MEMO1: variants seen among roughly 807,000 people sequenced by gnomAD.
The protein encoded by MEMO1 is protein MEMO1.
Under a neutral mutation model 45.2 loss-of-function variants are expected in MEMO1, and 6 were observed. The ratio of observed to expected loss-of-function variants is 0.13; its 90% confidence interval spans 0.07 to 0.26. MEMO1 has a LOEUF of 0.26. Ranked by LOEUF, MEMO1 falls within the 10% of genes least tolerant of loss-of-function variation. The pLI is 1.00. For synonymous variants in MEMO1, 78 were observed against 124.3 expected (o/e 0.63, Z 2.48); for missense variants, 184 against 370.5 (o/e 0.50, Z 4.13).
intron 6 of MEMO1, among the ~76,000 whole-genome samples, chr2:31,900,155 T>C (rs1678562492): frequency 6.6e-6 from 1 of 152,198 alleles, no homozygotes; most frequent in South Asian, 2.1e-4. Context: ...AGAAATACCA[T>C]TTGACCCAGC....
chr2:31,995,748 A>C (rs1194676847), intron 2 of MEMO1, among the ~76,000 whole-genome samples: 3 of 152,144 alleles, frequency 2.0e-5, no homozygotes, highest in East Asian at 3.8e-4. Context: ...AAAAATTTCC[A>C]AATTTTCTGA....
chr2:31,927,186 G>A (rs1040268416), intron 4 of MEMO1, among the ~76,000 whole-genome samples: 7 of 152,054 alleles, frequency 4.6e-5, no homozygotes, highest in African/African-American at 1.7e-4. Context: ...TGGGCATGGT[G>A]GCGTTCGCCT....
chr2:32,002,186 T>TACAC lies in MEMO1; in HGVS notation c.61+7997_61+8000dup, dbSNP rs66840564. Among the ~76,000 whole-genome samples, 620 of 115,390 alleles carry TACAC rather than the reference T, an allele frequency of 5.4e-3. 2 individuals carry two copies. The highest frequency in any genetic ancestry group is 0.02 in the African/African-American group (549 of 27,786). The allele number at this position is 115,390 out of a possible 152,430, so 75.7% of individuals were successfully genotyped here. On this transcript the variant is annotated intron_variant, in intron 2 of 9. Coordinates refer to ENST00000404530, the MANE Select transcript of MEMO1 (RefSeq NM_001301833.4). ...AAAAAAAAATATATATATATATATA[T>TACAC]ACACACACACACACACATGTATATA...
intron 2 of MEMO1, among the ~76,000 whole-genome samples, chr2:31,983,726 G>A (rs868843346): frequency 2.0e-5 from 3 of 152,160 alleles, no homozygotes; most frequent in Non-Finnish European, 4.4e-5. Flanking sequence ...GAGCCACCGC[G>A]CCCGGCCCCA....
intron 2 of MEMO1, among the ~76,000 whole-genome samples, chr2:31,992,464 A>T (rs1013662352): frequency 1.3e-5 from 2 of 152,184 alleles, no homozygotes; most frequent in African/African-American, 2.4e-5. Context: ...ATACATTCCA[A>T]ATGGATAAAA....
At chr2:31,984,280 C>T (rs113142404) in intron 2 of MEMO1, among the ~76,000 whole-genome samples, 1 of 152,150 alleles carries the variant, frequency 6.6e-6, no homozygotes, top group African/African-American at 2.4e-5. Context: ...GGTCATTATA[C>T]CTCTGTGGTA....
At chr2:31,963,129 C>T (rs1303590203) in intron 2 of MEMO1, 1 of 1,501,392 alleles carries the variant, frequency 6.7e-7, no homozygotes, top group Admixed American at 2.1e-5. Context: ...ACACCATTAG[C>T]TCTCCCATTT....
intron 3 of MEMO1, among the ~76,000 whole-genome samples, chr2:31,932,344 T>C (rs1664280693): frequency 6.6e-6 from 1 of 152,220 alleles, no homozygotes; most frequent in Non-Finnish European, 1.5e-5. Flanking sequence ...ACTTTAAAAA[T>C]ACTTTGTAAT....
At chr2:31,877,237 A>G (rs79746910) in intron 8 of MEMO1, among the ~76,000 whole-genome samples, 1,596 of 152,368 alleles carry the variant, frequency 0.01, 23 homozygotes, top group Middle Eastern at 0.051. Flanking sequence ...AAGACAAATC[A>G]ACAAATGAGT....
chr2:31,934,628 T>C (rs964169404), intron 3 of MEMO1, among the ~76,000 whole-genome samples: 9 of 151,806 alleles, frequency 5.9e-5, no homozygotes, highest in Middle Eastern at 3.2e-3. Flanking sequence ...GATGAGAAAA[T>C]ACAAGACAGG....
rs745685125 is a variant in MEMO1, at chr2:31,868,433, G to C, written c.822C>G (p.Ala274=). 3 of 1,602,250 alleles carry C rather than the reference G, an allele frequency of 1.9e-6. No homozygotes were observed. In the Admixed American group the frequency reaches 5.2e-5, roughly 28 times the overall value. The change falls in exon 10 of 10, where the codon GCC becomes GCG. Residue 274 remains alanine (A), a synonymous_variant. Transcript: ENST00000404530. ...MNMSFSFLNY[A]QSSQCRNWQD... is the part of the protein sequence containing the mutation. ...GCCAGTTTCTACACTGGCTCGACTG[G>C]GCATAATTCAAAAACGAAAAACTCA...
intron 4 of MEMO1, among the ~76,000 whole-genome samples, chr2:31,928,224 T>A (rs1683402943): frequency 6.6e-6 from 1 of 152,200 alleles, no homozygotes; most frequent in Non-Finnish European, 1.5e-5. Context: ...CATTAAGTTA[T>A]CAGCCCCCTA....
At chr2:31,947,386 C>T (rs541817986) in intron 2 of MEMO1, among the ~76,000 whole-genome samples, 2 of 152,208 alleles carry the variant, frequency 1.3e-5, no homozygotes, top group African/African-American at 4.8e-5. Flanking sequence ...CGTATGATTG[C>T]TTAATTATCT....
intron 2 of MEMO1, among the ~76,000 whole-genome samples, chr2:31,954,663 T>C (rs1444652531): frequency 2.6e-5 from 4 of 151,880 alleles, no homozygotes; most frequent in African/African-American, 9.7e-5. Context: ...TGAAACTCCG[T>C]CTCTACTAAA....
In MEMO1 at chr2:31,905,718, C is replaced by A. The variant is rs182104926; in HGVS notation, c.437+12208G>T. Among the ~76,000 whole-genome samples, 4 of 152,228 alleles carry A rather than the reference C, an allele frequency of 2.6e-5. No individual in the cohort carries two copies. In the East Asian group the frequency reaches 7.7e-4, roughly 29 times the overall value. On this transcript the variant is annotated intron_variant, in intron 6 of 9. Coordinates refer to ENST00000404530, the MANE Select transcript of MEMO1 (RefSeq NM_001301833.4). ...AATGGCAATATTATAAGGCCTTGAA[C>A]TTCATATTCTCTTCAATTCATCTTA...
At chr2:31,925,028 C>T (rs373490927) in intron 4 of MEMO1, among the ~76,000 whole-genome samples, 12 of 152,142 alleles carry the variant, frequency 7.9e-5, no homozygotes, top group African/African-American at 2.9e-4. Flanking sequence ...CTCTTAAATG[C>T]CCTAGCAAAT....
At chr2:31,877,820 TTTTA>T (rs1674775681) in intron 8 of MEMO1, among the ~76,000 whole-genome samples, 1 of 152,206 alleles carries the variant, frequency 6.6e-6, no homozygotes, top group Non-Finnish European at 1.5e-5. Flanking sequence ...TATAAATTCC[TTTTA>T]TTTCCTTTAC....
chr2:31,986,449 G>A (rs528375323), intron 2 of MEMO1, among the ~76,000 whole-genome samples: 5 of 152,222 alleles, frequency 3.3e-5, no homozygotes, highest in African/African-American at 1.2e-4. Flanking sequence ...TGCAGCCTGA[G>A]CGAAAGTGTG....
At chr2:31,947,720 A>G (rs908283106) in intron 2 of MEMO1, among the ~76,000 whole-genome samples, 2 of 152,218 alleles carry the variant, frequency 1.3e-5, no homozygotes, top group South Asian at 2.1e-4. Context: ...GAGCTGTAGG[A>G]AATACAGTAA....
Sources: gnomAD v4.1 joint callset for allele counts (sites outside exome capture counted in the v4.1 genomes callset) on GRCh38, gnomAD v4.1.1 for gene constraint, MANE v1.5 for transcripts, NCBI Gene and HGNC (gene_info 2026-07-23, HGNC 2026-07-21) for gene names.